The following CSRNP3 variants were observed in gnomAD, a reference collection of about 807,000 sequenced individuals.
CSRNP3 encodes cysteine/serine-rich nuclear protein 3.
Under a neutral mutation model 48.0 loss-of-function variants are expected in CSRNP3, and 12 were observed. The ratio of observed to expected loss-of-function variants is 0.25; its 90% CI spans 0.16 to 0.41. The LOEUF is 0.41. Among genes scored for constraint, CSRNP3 ranks in the 10% least tolerant of loss-of-function variants. The probability of loss-of-function intolerance (pLI) is 1.00; values close to 1 mark genes in which losing one functional copy is unlikely to be tolerated. For missense variants in CSRNP3, 580 were observed against 724.4 expected (o/e 0.80, Z 2.29); for synonymous variants, 263 against 269.7 (o/e 0.98, Z 0.24).
chr2:165,662,602 T>C (rs1382376606), intron 5 of CSRNP3, among the ~76,000 whole-genome samples: 1 of 152,206 alleles, frequency 6.6e-6, no homozygotes, highest in East Asian at 1.9e-4. Flanking sequence ...ACAATTACAT[T>C]AGACTTTATT....
chr2:165,510,340 G>A (rs116525739), intron 2 of CSRNP3, among the ~76,000 whole-genome samples: 2,408 of 151,992 alleles, frequency 0.016, 60 homozygotes, highest in African/African-American at 0.054. Flanking sequence ...TGTTTACTCA[G>A]TCATTTATTT....
In CSRNP3 at chr2:165,511,600, A is replaced by C. The variant is rs185304455; in HGVS notation, c.-112-6273A>C. ...GTATAGAGGATACAGTGATAGAAAA[A>C]AGGGAGGAAGTTTAACTGTGGCTCT... On this transcript the variant is annotated intron_variant, in intron 2 of 6. Transcript: ENST00000651982. Among the ~76,000 whole-genome samples, 301 of 152,260 alleles carry C rather than the reference A, an allele frequency of 2.0e-3. 1 individual carries two copies. The highest frequency in any genetic ancestry group is 3.4e-3 in the Non-Finnish European group (233 of 68,022).
intron 3 of CSRNP3, among the ~76,000 whole-genome samples, chr2:165,567,329 G>A (rs778425147): frequency 1.8e-4 from 27 of 152,032 alleles, no homozygotes; most frequent in Non-Finnish European, 3.2e-4. Flanking sequence ...GATAAATGCT[G>A]TTTTCTAATG....
At chr2:165,591,569 C>T (rs1171651395) in intron 3 of CSRNP3, among the ~76,000 whole-genome samples, 2 of 152,120 alleles carry the variant, frequency 1.3e-5, no homozygotes, top group African/African-American at 4.8e-5. Context: ...CTGCGGTGGG[C>T]CCAGGGACCC....
chr2:165,653,833 G>A (rs1013817146), intron 4 of CSRNP3, among the ~76,000 whole-genome samples: 3 of 151,716 alleles, frequency 2.0e-5, no homozygotes, highest in African/African-American at 4.8e-5. Flanking sequence ...TTAGCTGGGC[G>A]TGGTGGCAGA....
At chr2:165,526,785 G>A (rs1291126165) in intron 3 of CSRNP3, among the ~76,000 whole-genome samples, 2 of 152,152 alleles carry the variant, frequency 1.3e-5, no homozygotes, top group Non-Finnish European at 2.9e-5. Context: ...ACACTGATGA[G>A]GATGTGGAGA....
At chr2:165,477,633 C>T (rs1683982444) in intron 1 of CSRNP3, among the ~76,000 whole-genome samples, 1 of 149,388 alleles carries the variant, frequency 6.7e-6, no homozygotes, top group South Asian at 2.1e-4. Context: ...CATGCTACTG[C>T]ACTCCAGCCT....
intron 2 of CSRNP3, among the ~76,000 whole-genome samples, chr2:165,504,038 A>T (rs1684392984): frequency 6.6e-6 from 1 of 151,988 alleles, no homozygotes; most frequent in African/African-American, 2.4e-5. Context: ...ATTCTTCCTA[A>T]TATAAAACTA....
intron 5 of CSRNP3, among the ~76,000 whole-genome samples, chr2:165,659,241 A>G (rs756185812): frequency 5.3e-5 from 8 of 152,146 alleles, no homozygotes; most frequent in Non-Finnish European, 1.2e-4. Context: ...GAGAGGTGAC[A>G]GTAGGTTATA....
chr2:165,680,969 A>G lies in CSRNP3; in HGVS notation c.*1216A>G, dbSNP rs1558973928. The G allele has an allele frequency of 6.6e-6, 1 of 152,128 alleles. No homozygotes were observed. Among genetic ancestry groups the G allele is most frequent in the Non-Finnish European group, 1.5e-5 (1 of 68,028 alleles). The allele number at this position is 152,128 out of a possible 1,614,324, so 9.4% of individuals were successfully genotyped here. On this transcript the variant is annotated 3_prime_UTR_variant, in exon 7 of 7. Coordinates refer to ENST00000651982, the MANE Select transcript of CSRNP3 (RefSeq NM_001172173.2). ...TGATTGAAGGGGGGCCTCTACCCAAATACTCAACTAGGCCTTTCTTTTCTG... is the reference window on the plus strand; with the variant it reads ...TGATTGAAGGGGGGCCTCTACCCAAGTACTCAACTAGGCCTTTCTTTTCTG...
At position 165,644,692 on chromosome 2, in the gene CSRNP3, G is replaced by A. The variant is rs150195814; in HGVS notation, c.149-13069G>A. Among the ~76,000 whole-genome samples, 25 of 152,202 alleles carry A rather than the reference G, an allele frequency of 1.6e-4. No individual in the cohort carries two copies. The East Asian group carries it at 4.4e-3, about 27-fold the overall frequency. ...CTTCATCCTAGGGACTCTGTGGAAG[G>A]CTTCCTGGTGGTGACATTTGAGCTG... is the stretch of plus-strand genomic sequence containing the variant. On this transcript the variant is annotated intron_variant, in intron 4 of 6. Transcript: ENST00000651982.
intron 4 of CSRNP3, among the ~76,000 whole-genome samples, chr2:165,615,785 A>C (rs1019663094): frequency 6.6e-6 from 1 of 151,536 alleles, no homozygotes; most frequent in Non-Finnish European, 1.5e-5. Flanking sequence ...CCCAGGCTAA[A>C]GTGCACTGGT....
intron 3 of CSRNP3, among the ~76,000 whole-genome samples, chr2:165,546,261 G>A (rs948040593): frequency 6.6e-6 from 1 of 151,996 alleles, no homozygotes; most frequent in African/African-American, 2.4e-5. Context: ...GCGCAGTCTC[G>A]GCTCACTGCA....
At chr2:165,607,265 T>C (rs1686047471) in intron 4 of CSRNP3, among the ~76,000 whole-genome samples, 1 of 152,138 alleles carries the variant, frequency 6.6e-6, no homozygotes, top group African/African-American at 2.4e-5. Flanking sequence ...TATTTTGCAT[T>C]CCTATTAGGA....
At chr2:165,611,155 A>G (rs1686129312) in intron 4 of CSRNP3, among the ~76,000 whole-genome samples, 1 of 152,110 alleles carries the variant, frequency 6.6e-6, no homozygotes, top group Non-Finnish European at 1.5e-5. Context: ...ATTTGACTAG[A>G]TTGAAAATGT....
At chr2:165,520,783 TTATATATATATATATATATA>T (rs869287628) in intron 3 of CSRNP3, among the ~76,000 whole-genome samples, 2 of 29,730 alleles carry the variant, frequency 6.7e-5, no homozygotes, top group African/African-American at 2.6e-4. Context: ...TATATATATA[TTATATATATATATATATATA>T]TATATATATA....
rs1434038090 is a variant in CSRNP3, at chr2:165,683,408, TAATC to T, written c.*3658_*3661del. The stretch of plus-strand genomic sequence containing the variant: ...AGTTGCAAAAACACTAGTTACGAAT[TAATC>T]AAGAAGCAAAGAGAGTATGTTAAGT... On this transcript the variant is annotated 3_prime_UTR_variant, in exon 7 of 7. Transcript: ENST00000651982. The T allele has an allele frequency of 6.6e-6, 1 of 152,086 alleles. No individual in the cohort carries two copies. Among genetic ancestry groups the T allele is most frequent in the Non-Finnish European group, 1.5e-5 (1 of 67,982 alleles). The allele number at this position is 152,086 out of a possible 1,614,324, so 9.4% of individuals were successfully genotyped here.
rs1223480215 is a variant in CSRNP3, at chr2:165,687,169, A to T, written c.*7416A>T. 6.6e-6 allele frequency: 1 copy of T among 152,128 alleles called. No homozygotes were observed. Among genetic ancestry groups the T allele is most frequent in the Non-Finnish European group, 1.5e-5 (1 of 68,000 alleles). 9.4% of individuals were successfully genotyped at this position (152,128 alleles called of 1,614,324 possible). On this transcript the variant is annotated 3_prime_UTR_variant, in exon 7 of 7. Transcript: ENST00000651982. The stretch of plus-strand genomic sequence containing the variant: ...TTCAAGGGAAGTTGGGTTTCCCCCT[A>T]CATTTGGTGATTATTACATTAATAT...
chr2:165,584,666 T>C (rs1008918636), intron 3 of CSRNP3, among the ~76,000 whole-genome samples: 1 of 152,130 alleles, frequency 6.6e-6, no homozygotes, highest in African/African-American at 2.4e-5. Context: ...GCTTATAGAA[T>C]GAGTCAAAAG....
Sources: allele counts gnomAD v4.1 joint callset (sites outside exome capture counted in the v4.1 genomes callset), GRCh38; gene constraint gnomAD v4.1.1; transcripts MANE v1.5; gene names NCBI Gene and HGNC (gene_info 2026-07-23, HGNC 2026-07-21).